Variants in ATP13A5 observed in about 807,000 individuals in gnomAD.
The protein encoded by ATP13A5 is probable cation-transporting ATPase 13A5.
Under a neutral mutation model 150.2 loss-of-function variants are expected in ATP13A5, and 149 were observed. The observed-to-expected ratio is 0.99, with a 90% CI of 0.87 to 1.14. ATP13A5 has a LOEUF of 1.14. Among genes scored for constraint, ATP13A5 ranks in the 50% most tolerant of loss-of-function variants. The pLI is 0.00. For synonymous variants in ATP13A5, 497 were observed against 522.2 expected, an observed-to-expected ratio of 0.95 and a Z score of 0.66; for missense variants, 1,383 against 1,449.3, an observed-to-expected ratio of 0.95 and a Z score of 0.74.
chr3:193,334,305 G>A (rs1356868724), intron 10 of ATP13A5, among the ~76,000 whole-genome samples: 2 of 152,160 alleles, frequency 1.3e-5, no homozygotes, highest in Non-Finnish European at 2.9e-5. Context: ...CCAGGTCATA[G>A]GAGGCCTTCA....
Position 193,349,367 on chromosome 3 carries a change from C to G in ATP13A5, c.741+1700G>C, listed in dbSNP as rs373042974. ...TAGGGATTCTGTTAAGATATGGAAC[C>G]TGAATGTTTAAATTCCAGTAAGGAT... is the stretch of plus-strand genomic sequence containing the variant. On this transcript the variant is annotated intron_variant, in intron 7 of 29. Coordinates refer to ENST00000342358, the MANE Select transcript of ATP13A5 (RefSeq NM_198505.4). Among the ~76,000 whole-genome samples the G allele has an allele frequency of 9.2e-5, 14 of 152,186 alleles. No homozygotes were observed. The South Asian group carries it at 2.3e-3, about 25-fold the overall frequency.
intron 25 of ATP13A5, among the ~76,000 whole-genome samples, chr3:193,296,308 T>A (rs1452573318): frequency 6.6e-6 from 1 of 152,126 alleles, no homozygotes; most frequent in Non-Finnish European, 1.5e-5. Context: ...CCGTGCCTAT[T>A]GCCTAAATGT....
At chr3:193,329,652 T>C (rs1711554512) in intron 12 of ATP13A5, among the ~76,000 whole-genome samples, 1 of 152,154 alleles carries the variant, frequency 6.6e-6, no homozygotes, top group Non-Finnish European at 1.5e-5. Context: ...TGACTGGTGG[T>C]GATCGAGAAC....
intron 3 of ATP13A5, among the ~76,000 whole-genome samples, 176 bp from the exon 4 acceptor site, chr3:193,362,813 C>T (rs10049343): frequency 8.9e-6 from 1 of 111,962 alleles, no homozygotes; most frequent in Non-Finnish European, 1.9e-5. Flanking sequence ...TTCTTTCTTT[C>T]AGACAGGGTC....
At chr3:193,296,065 C>T (rs1718159015) in intron 25 of ATP13A5, among the ~76,000 whole-genome samples, 1 of 152,044 alleles carries the variant, frequency 6.6e-6, no homozygotes, top group South Asian at 2.1e-4. Flanking sequence ...TAAGTAGAAG[C>T]CATGGAAATT....
intron 7 of ATP13A5, among the ~76,000 whole-genome samples, chr3:193,349,137 C>A (rs1449865954): frequency 6.6e-6 from 1 of 152,212 alleles, no homozygotes; most frequent in African/African-American, 2.4e-5. Context: ...TGCAAATACA[C>A]AGTTTCAGGA....
intron 1 of ATP13A5, among the ~76,000 whole-genome samples, chr3:193,369,813 G>T (rs1273736011): frequency 1.3e-5 from 2 of 152,118 alleles, no homozygotes; most frequent in Non-Finnish European, 1.5e-5. Flanking sequence ...TCTGTACTTA[G>T]GGGAATATTA....
At chr3:193,323,939 G>C (rs1719379769) in intron 14 of ATP13A5, 1 of 152,030 alleles carries the variant, frequency 6.6e-6, no homozygotes, top group Non-Finnish European at 1.5e-5. Context: ...ACAGCTTTAG[G>C]ATGTTCTTCG....
intron 23 of ATP13A5, among the ~76,000 whole-genome samples, chr3:193,304,631 G>A (rs1268886657): frequency 6.6e-6 from 1 of 152,258 alleles, no homozygotes; most frequent in South Asian, 2.1e-4. Flanking sequence ...ATAAAACTGG[G>A]TGTTTTGTTC....
At chr3:193,336,403 A>T (rs1711864418) in intron 9 of ATP13A5, among the ~76,000 whole-genome samples, 1 of 152,006 alleles carries the variant, frequency 6.6e-6, no homozygotes, top group African/African-American at 2.4e-5. Flanking sequence ...CCACCTCACG[A>T]CAGGCCCCGG....
In ATP13A5 at chr3:193,344,929, A is replaced by G. The variant is rs76320071; in HGVS notation, c.814+74T>C. The G allele has an allele frequency of 2.0e-4, 271 of 1,364,332 alleles. No individual in the cohort carries two copies. The African/African-American group carries it at 3.1e-3, about 16-fold the overall frequency. 84.5% of individuals were successfully genotyped at this position (1,364,332 alleles called of 1,614,324 possible). A position where few individuals can be genotyped will look rare whatever the true frequency, so the allele number is the denominator to read the frequency against. On this transcript the variant is annotated intron_variant, in intron 8 of 29. Coordinates refer to ENST00000342358, the MANE Select transcript of ATP13A5 (RefSeq NM_198505.4). Reference sequence around the variant, plus strand: ...TGAAAAGATTATTTCTCCTTGACTAATAATTAAGGACAAATGAGACCAATT... The same window carrying G: ...TGAAAAGATTATTTCTCCTTGACTAGTAATTAAGGACAAATGAGACCAATT...
intron 23 of ATP13A5, among the ~76,000 whole-genome samples, chr3:193,301,841 A>G (rs76869480): frequency 6.6e-6 from 1 of 152,174 alleles, no homozygotes; most frequent in Non-Finnish European, 1.5e-5. Context: ...TGGGTAAGGA[A>G]GGCTTTGATA....
intron 9 of ATP13A5, among the ~76,000 whole-genome samples, chr3:193,337,562 A>C (rs1054391649): frequency 6.6e-6 from 1 of 152,080 alleles, no homozygotes; most frequent in Non-Finnish European, 1.5e-5. Flanking sequence ...ATTCTTTCTG[A>C]GGGCTCTGTT....
intron 5 of ATP13A5, among the ~76,000 whole-genome samples, chr3:193,358,145 A>G (rs561545053): frequency 6.6e-6 from 1 of 152,280 alleles, no homozygotes; most frequent in South Asian, 2.1e-4. Context: ...TTCCATTCTG[A>G]TAAGTTTCCA....
intron 9 of ATP13A5, among the ~76,000 whole-genome samples, chr3:193,336,458 A>G (rs374571150): frequency 1.3e-5 from 2 of 152,100 alleles, no homozygotes; most frequent in South Asian, 4.2e-4. Context: ...TCACTGTTCA[A>G]TTCCCACCTA....
intron 14 of ATP13A5, chr3:193,324,028 C>T (rs1267753745): frequency 2.0e-5 from 3 of 152,056 alleles, no homozygotes; most frequent in Non-Finnish European, 2.9e-5. Flanking sequence ...GTGCTCAAAG[C>T]CCCTTTAGAT....
At position 193,322,456 on chromosome 3, in the gene ATP13A5, GA is replaced by G; in HGVS notation, c.1758+34del. 3 of 1,465,184 alleles carry G rather than the reference GA, an allele frequency of 2.0e-6. No individual in the cohort carries two copies. In the African/African-American group the frequency reaches 4.2e-5, roughly 20 times the overall value. 90.8% of individuals were successfully genotyped at this position (1,465,184 alleles called of 1,614,324 possible). On this transcript the variant is annotated intron_variant, in intron 15 of 29. Transcript: ENST00000342358. ...AGAAATGTTTTACCAGTTTTATGGG[GA>G]AAGAGCTATGTGATGTAAAGAAGGA...
chr3:193,324,742 T>C, intron 14 of ATP13A5, 122 bp downstream of exon 14: 1 of 1,088,432 alleles, frequency 9.2e-7, no homozygotes, highest in Non-Finnish European at 1.3e-6. Flanking sequence ...CTGGTAGTGT[T>C]ACACGCTTAT....
chr3:193,355,488 A>G lies in ATP13A5; in HGVS notation c.537-1292T>C, dbSNP rs779276365. The stretch of plus-strand genomic sequence containing the variant: ...GAAAGGACCAATGGGGAGAATCTGC[A>G]TGAGAGATCTTTGGTCTCACTGAGG... On this transcript the variant is annotated intron_variant, in intron 5 of 29. Coordinates refer to ENST00000342358, the MANE Select transcript of ATP13A5 (RefSeq NM_198505.4). 3.1e-4 allele frequency among the ~76,000 whole-genome samples: 47 copies of G among 152,192 alleles called. 1 individual carries two copies. The highest frequency in any genetic ancestry group is 8.8e-5 in the Non-Finnish European group (6 of 68,034).
Sources: allele counts gnomAD v4.1 joint callset (sites outside exome capture counted in the v4.1 genomes callset), GRCh38; gene constraint gnomAD v4.1.1; transcripts MANE v1.5; gene names NCBI Gene and HGNC (gene_info 2026-07-23, HGNC 2026-07-21).